The following OPCML variants were observed in gnomAD, a reference collection of about 807,000 sequenced individuals.
OPCML encodes the protein opioid binding protein/cell adhesion molecule like, also known as opioid-binding protein/cell adhesion molecule.
OPCML carries 13 observed loss-of-function variants against 37.8 expected under a neutral mutation model. The ratio of observed to expected loss-of-function variants is 0.34; its 90% CI spans 0.22 to 0.55. OPCML has a LOEUF of 0.55. Among genes scored for constraint, OPCML ranks in the 20% least tolerant of loss-of-function variants. OPCML has a pLI of 0.91. For missense variants in OPCML, 341 were observed against 435.6 expected, an observed-to-expected ratio of 0.78 and a Z score of 1.93; for synonymous variants, 176 against 168.8, an observed-to-expected ratio of 1.04 and a Z score of -0.33.
chr11:133,207,216 C>G (rs1435665030), intron 1 of OPCML, among the ~76,000 whole-genome samples: 2 of 151,550 alleles, frequency 1.3e-5, no homozygotes, highest in Admixed American at 6.6e-5. Flanking sequence ...AGGAGAATGG[C>G]GTGAACCCAG....
chr11:132,574,260 T>G (rs1174831369), intron 3 of OPCML, among the ~76,000 whole-genome samples: 3 of 147,934 alleles, frequency 2.0e-5, no homozygotes, highest in African/African-American at 4.9e-5. Context: ...TTTTTTTTGG[T>G]TTTTTTGTTT....
At chr11:132,436,277 A>G (rs1363242552) in intron 6 of OPCML, 40 bp from the exon 7 acceptor site, 1 of 1,613,722 alleles carries the variant, frequency 6.2e-7, no homozygotes, top group African/African-American at 1.3e-5. Context: ...CATTCTACAA[A>G]GAGGCCCTCC....
At chr11:132,499,937 C>T (rs112174736) in intron 4 of OPCML, among the ~76,000 whole-genome samples, 61 of 152,234 alleles carry the variant, frequency 4.0e-4, no homozygotes, top group African/African-American at 1.4e-3. Flanking sequence ...ATGAAGAACC[C>T]AAGTATAGGC....
At chr11:133,218,884 A>C (rs1405116311) in intron 1 of OPCML, among the ~76,000 whole-genome samples, 1 of 152,204 alleles carries the variant, frequency 6.6e-6, no homozygotes, top group Non-Finnish European at 1.5e-5. Flanking sequence ...AGTCTCTGTC[A>C]TACCACCGTA....
chr11:132,737,468 A>G (rs1945297209), intron 2 of OPCML, among the ~76,000 whole-genome samples: 1 of 152,238 alleles, frequency 6.6e-6, no homozygotes, highest in Non-Finnish European at 1.5e-5. Context: ...GAATGATTAT[A>G]TAACTAGAAC....
At chr11:133,262,136 T>C (rs933418608) in intron 1 of OPCML, among the ~76,000 whole-genome samples, 1 of 152,222 alleles carries the variant, frequency 6.6e-6, no homozygotes, top group African/African-American at 2.4e-5. Context: ...TTTGATATAG[T>C]ATACATTGTG....
intron 2 of OPCML, among the ~76,000 whole-genome samples, chr11:132,790,897 C>A (rs777073394): frequency 1.3e-5 from 2 of 152,190 alleles, no homozygotes; most frequent in Non-Finnish European, 1.5e-5. Flanking sequence ...AGAAAGATTT[C>A]GATTTTGGCT....
intron 1 of OPCML, among the ~76,000 whole-genome samples, chr11:133,424,592 CAT>C (rs1945962131): frequency 1.3e-5 from 2 of 152,126 alleles, no homozygotes; most frequent in Non-Finnish European, 2.9e-5. Context: ...GTGGCTAAAT[CAT>C]AATTTATTTT....
intron 2 of OPCML, among the ~76,000 whole-genome samples, chr11:132,871,979 T>C (rs1942812844): frequency 6.6e-6 from 1 of 152,192 alleles, no homozygotes; most frequent in South Asian, 2.1e-4. Context: ...ATACTAAAAT[T>C]TTATCCCATC....
At chr11:133,113,173 T>G (rs1293794690) in intron 1 of OPCML, among the ~76,000 whole-genome samples, 2 of 152,266 alleles carry the variant, frequency 1.3e-5, no homozygotes, top group African/African-American at 2.4e-5. Flanking sequence ...TCCCCAGAGC[T>G]AAACTGTATG....
In OPCML at chr11:132,942,842, A is replaced by G. The variant is rs900439136; in HGVS notation, c.146+84T>C. On this transcript the variant is annotated intron_variant, in intron 2 of 7. Transcript: ENST00000524381. The stretch of plus-strand genomic sequence containing the variant: ...AGGCCCACTCGCGTTCCGGTCCCCC[A>G]TGGAGCCTTCTGCCCCCTCTTCCCT... 64 of 1,560,320 alleles carry G rather than the reference A, an allele frequency of 4.1e-5. No individual in the cohort carries two copies. In the African/African-American group the frequency reaches 6.2e-4, roughly 15 times the overall value.
chr11:132,632,265 TGGAGGGAGCAA>T (rs1940194091), intron 3 of OPCML, among the ~76,000 whole-genome samples: 1 of 100,818 alleles, frequency 9.9e-6, no homozygotes, highest in South Asian at 2.7e-4. Context: ...TTTTTTTTTT[TGGAGGGAGCAA>T]GGAGGAGATC....
intron 1 of OPCML, among the ~76,000 whole-genome samples, chr11:133,080,178 G>A (rs529215167): frequency 1.0e-3 from 159 of 152,252 alleles, no homozygotes; most frequent in Non-Finnish European, 1.7e-3. Context: ...GCAGATGGCC[G>A]GATGTATAGA....
At chr11:133,209,794 C>T (rs1254869453) in intron 1 of OPCML, among the ~76,000 whole-genome samples, 2 of 152,198 alleles carry the variant, frequency 1.3e-5, no homozygotes, top group Non-Finnish European at 2.9e-5. Flanking sequence ...TAAGGCAGAA[C>T]TCATTCATCC....
At chr11:132,637,358 C>T (rs1940571598) in intron 3 of OPCML, among the ~76,000 whole-genome samples, 1 of 152,108 alleles carries the variant, frequency 6.6e-6, no homozygotes, top group African/African-American at 2.4e-5. Flanking sequence ...AAGTAGGGGA[C>T]AGACCTGGAA....
chr11:133,302,132 C>G (rs954538333), intron 1 of OPCML: 2 of 152,114 alleles, frequency 1.3e-5, no homozygotes, highest in Non-Finnish European at 2.9e-5. Flanking sequence ...AAGATAACTG[C>G]TAAAAGCTTC....
intron 1 of OPCML, among the ~76,000 whole-genome samples, chr11:133,014,530 G>A (rs1217067656): frequency 6.6e-6 from 1 of 152,180 alleles, no homozygotes; most frequent in Admixed American, 6.5e-5. Flanking sequence ...GCTCACTCAA[G>A]TATCACTAGC....
At chr11:132,439,062 G>A (rs531986058) in intron 4 of OPCML, among the ~76,000 whole-genome samples, 5 of 152,274 alleles carry the variant, frequency 3.3e-5, no homozygotes, top group African/African-American at 9.6e-5. Flanking sequence ...TTCCATGGAG[G>A]AAATAATGCA....
intron 4 of OPCML, among the ~76,000 whole-genome samples, chr11:132,480,568 C>T (rs2096176070): frequency 6.6e-6 from 1 of 152,124 alleles, no homozygotes; most frequent in African/African-American, 2.4e-5. Context: ...ACATAATTGT[C>T]AGATTCACCA....
Sources: allele counts gnomAD v4.1 joint callset (sites outside exome capture counted in the v4.1 genomes callset), GRCh38; gene constraint gnomAD v4.1.1; transcripts MANE v1.5; gene names NCBI Gene and HGNC (gene_info 2026-07-23, HGNC 2026-07-21).